The following SCFD2 variants were observed in gnomAD, a reference collection of about 807,000 sequenced individuals.
SCFD2 encodes sec1 family domain-containing protein 2.
Under a neutral mutation model 58.9 loss-of-function variants are expected in SCFD2, and 54 were observed. The ratio of observed to expected loss-of-function variants is 0.92; its 90% confidence interval spans 0.74 to 1.15. SCFD2 has a LOEUF of 1.15. Ranked by LOEUF, SCFD2 falls within the 50% of genes most tolerant of loss-of-function variation. SCFD2 has a pLI of 0.00. For synonymous variants in SCFD2, 321 were observed against 335.9 expected, an observed-to-expected ratio of 0.96 and a Z score of 0.49; for missense variants, 805 against 836.6, an observed-to-expected ratio of 0.96 and a Z score of 0.47.
At chr4:53,017,648 T>C (rs772984150) in intron 5 of SCFD2, among the ~76,000 whole-genome samples, 23 of 152,328 alleles carry the variant, frequency 1.5e-4, no homozygotes, top group Non-Finnish European at 2.2e-4. Context: ...TTTGTTGTAG[T>C]ATAAAGACCA....
chr4:53,170,283 G>A (rs1387932101), intron 4 of SCFD2, among the ~76,000 whole-genome samples: 1 of 152,106 alleles, frequency 6.6e-6, no homozygotes, highest in Non-Finnish European at 1.5e-5. Flanking sequence ...TTTAATTGAA[G>A]ACACCATCCT....
chr4:53,041,757 C>T (rs1322808742), intron 5 of SCFD2, among the ~76,000 whole-genome samples: 1 of 152,158 alleles, frequency 6.6e-6, no homozygotes, highest in African/African-American at 2.4e-5. Flanking sequence ...CCATGCTTCA[C>T]TATTTCAGTG....
At chr4:53,102,244 A>G (rs372384875) in intron 5 of SCFD2, among the ~76,000 whole-genome samples, 18 of 152,328 alleles carry the variant, frequency 1.2e-4, no homozygotes, top group African/African-American at 4.1e-4. Context: ...TCCTCATGTC[A>G]TCCAGTAAGC....
intron 3 of SCFD2, among the ~76,000 whole-genome samples, chr4:53,297,633 TG>T (rs1732089678): frequency 6.6e-6 from 1 of 152,348 alleles, no homozygotes; most frequent in East Asian, 1.9e-4. Flanking sequence ...GTCTTTTAAT[TG>T]GGGCATTTAG....
chr4:53,167,306 C>A (rs1372325364), intron 4 of SCFD2, among the ~76,000 whole-genome samples: 2 of 152,162 alleles, frequency 1.3e-5, no homozygotes, highest in African/African-American at 4.8e-5. Flanking sequence ...CATTTATTTT[C>A]TCATTAGGCT....
Position 52,873,837 on chromosome 4 carries a change from C to A in SCFD2, c.*132G>T. The stretch of plus-strand genomic sequence containing the variant: ...GTACCTCACTGAGTAGGTATCAAGA[C>A]CCTTCAGGCAGAATTCCATCATTCT... On this transcript the variant is annotated 3_prime_UTR_variant, in exon 9 of 9. Coordinates refer to ENST00000401642, the MANE Select transcript of SCFD2 (RefSeq NM_152540.4). 3.1e-6 allele frequency: 2 copies of A among 644,906 alleles called. No homozygotes were observed. The highest frequency in any genetic ancestry group is 2.8e-6 in the Non-Finnish European group (1 of 353,132). 39.9% of individuals were successfully genotyped at this position (644,906 alleles called of 1,614,324 possible). A position where few individuals can be genotyped will look rare whatever the true frequency, so the allele number is the denominator to read the frequency against.
intron 3 of SCFD2, among the ~76,000 whole-genome samples, chr4:53,287,708 G>A (rs1424469919): frequency 5.3e-5 from 8 of 151,746 alleles, no homozygotes; most frequent in Non-Finnish European, 1.5e-5. Flanking sequence ...TGCCACCAAA[G>A]GAAAACAATT....
At chr4:53,284,788 T>C (rs1731613309) in intron 3 of SCFD2, among the ~76,000 whole-genome samples, 2 of 152,194 alleles carry the variant, frequency 1.3e-5, no homozygotes, top group Admixed American at 1.3e-4. Context: ...GGAAGTGGGA[T>C]GAAATTATAC....
intron 5 of SCFD2, among the ~76,000 whole-genome samples, chr4:53,092,552 T>C (rs1289161154): frequency 3.9e-5 from 6 of 152,012 alleles, no homozygotes; most frequent in Non-Finnish European, 5.9e-5. Flanking sequence ...ACATGTCCAA[T>C]AAGAGATAAA....
At chr4:53,335,686 A>C (rs1186645624) in intron 2 of SCFD2, among the ~76,000 whole-genome samples, 2 of 152,170 alleles carry the variant, frequency 1.3e-5, no homozygotes, top group Non-Finnish European at 2.9e-5. Context: ...CTATTTCTGA[A>C]ACTTTTTTGT....
At chr4:53,259,460 A>T (rs770641737) in intron 4 of SCFD2, among the ~76,000 whole-genome samples, 3 of 152,144 alleles carry the variant, frequency 2.0e-5, no homozygotes, top group African/African-American at 4.8e-5. Context: ...TCCCAGCACC[A>T]TTTGTTGAAT....
chr4:53,319,506 A>G (rs1732961048), intron 2 of SCFD2, among the ~76,000 whole-genome samples: 1 of 151,776 alleles, frequency 6.6e-6, no homozygotes, highest in Non-Finnish European at 1.5e-5. Flanking sequence ...GTCCTTGGGA[A>G]AGAAAGAAGG....
chr4:53,127,740 T>TG (rs1158057429), intron 5 of SCFD2, among the ~76,000 whole-genome samples: 2 of 152,038 alleles, frequency 1.3e-5, no homozygotes, highest in Non-Finnish European at 2.9e-5. Flanking sequence ...GGCCTGTGTC[T>TG]GGGACAGAGG....
chr4:53,302,044 G>T lies in SCFD2; in HGVS notation c.1135+11592C>A, dbSNP rs184793600. 8.9e-3 allele frequency among the ~76,000 whole-genome samples: 1,359 copies of T among 152,270 alleles called. 24 individuals are homozygous for T. Among genetic ancestry groups the T allele is most frequent in the African/African-American group, 0.031 (1,287 of 41,556 alleles). On this transcript the variant is annotated intron_variant, in intron 3 of 8. Transcript: ENST00000401642. ...GCATTCCCTTTGAAAACGGGCACAA[G>T]ACAGGGATGCCCTCTCTCACCACTC...
At chr4:52,989,212 C>A in intron 5 of SCFD2, among the ~76,000 whole-genome samples, 1 of 152,116 alleles carries the variant, frequency 6.6e-6, no homozygotes, top group East Asian at 1.9e-4. Context: ...TGGATGATGT[C>A]CCTAGTTCTG....
At chr4:53,235,838 A>G (rs182354696) in intron 4 of SCFD2, among the ~76,000 whole-genome samples, 2 of 152,322 alleles carry the variant, frequency 1.3e-5, no homozygotes, top group Non-Finnish European at 2.9e-5. Context: ...TGTGTGTATA[A>G]GGACAAAAAG....
intron 5 of SCFD2, among the ~76,000 whole-genome samples, chr4:52,996,678 A>G (rs1299172492): frequency 1.3e-5 from 2 of 152,174 alleles, no homozygotes; most frequent in Admixed American, 1.3e-4. Context: ...ATCTCAGAAA[A>G]CCAGAACTCT....
At position 53,031,645 on chromosome 4, in the gene SCFD2, G is replaced by A. The variant is rs570674517; in HGVS notation, c.1562-110775C>T. Among the ~76,000 whole-genome samples, 8 of 152,136 alleles carry A rather than the reference G, an allele frequency of 5.3e-5. No homozygotes were observed. The East Asian group carries it at 1.5e-3, about 29-fold the overall frequency. On this transcript the variant is annotated intron_variant, in intron 5 of 8. Transcript: ENST00000401642. The stretch of plus-strand genomic sequence containing the variant: ...CGAGAACTTCATGAACCATACACAA[G>A]TTTCAATAGCCAAATTGATCAAACG...
At chr4:53,262,793 T>TAG (rs1239046578) in intron 4 of SCFD2, among the ~76,000 whole-genome samples, 1 of 152,222 alleles carries the variant, frequency 6.6e-6, no homozygotes, top group African/African-American at 2.4e-5. Flanking sequence ...TTTGGATGTC[T>TAG]AGATCTGTAG....
Sources: allele counts gnomAD v4.1 joint callset (sites outside exome capture counted in the v4.1 genomes callset), GRCh38; gene constraint gnomAD v4.1.1; transcripts MANE v1.5; gene names NCBI Gene and HGNC (gene_info 2026-07-23, HGNC 2026-07-21).